The following PDGFD variants were observed in gnomAD, a reference collection of about 807,000 sequenced individuals.
The protein encoded by PDGFD is platelet-derived growth factor D.
A neutral mutation model predicts 44.7 loss-of-function variants in PDGFD; 30 were observed. The ratio of observed to expected loss-of-function variants is 0.67; its 90% CI spans 0.50 to 0.91. The LOEUF is 0.91. Ranked by LOEUF, PDGFD falls within the 40% of genes least tolerant of loss-of-function variation. The pLI, the probability that PDGFD is intolerant of heterozygous loss-of-function variation, is 0.00. For synonymous variants in PDGFD, 173 were observed against 168.4 expected (o/e 1.03, Z -0.21); for missense variants, 445 against 457.8 (o/e 0.97, Z 0.25).
Position 104,000,233 on chromosome 11 carries a change from C to A in PDGFD, c.147G>T (p.Leu49Phe). 6.2e-7 allele frequency: 1 copy of A among 1,613,966 alleles called. No homozygotes were observed. Among genetic ancestry groups the A allele is most frequent in the Non-Finnish European group, 8.5e-7 (1 of 1,179,950 alleles). Reference sequence around the variant, plus strand: ...CCTGGATGGTCTCATCTCTTCGGTACAAGTCTGTGAGGTGATTGCTCTCTG... The same window carrying A: ...CCTGGATGGTCTCATCTCTTCGGTAAAAGTCTGTGAGGTGATTGCTCTCTG... ...RRDESNHLTD[L>F]YRRDETIQVK... Residue 49 changes from leucine (L) to phenylalanine (F), a missense_variant, in exon 2 of 7, where the codon TTG becomes TTT. By Grantham distance (22) the Leu-to-Phe change is conservative. Coordinates refer to ENST00000393158, the MANE Select transcript of PDGFD (RefSeq NM_025208.5).
intron 1 of PDGFD, among the ~76,000 whole-genome samples, chr11:104,024,644 C>T (rs536213845): frequency 3.9e-5 from 6 of 152,104 alleles, no homozygotes; most frequent in East Asian, 1.9e-4. Context: ...TACCATACAG[C>T]GTTGTAGGTT....
At chr11:103,978,837 T>C (rs142114676) in intron 3 of PDGFD, among the ~76,000 whole-genome samples, 1 of 152,152 alleles carries the variant, frequency 6.6e-6, no homozygotes, top group African/African-American at 2.4e-5. Context: ...GTAAAACAGG[T>C]ACAGTGAGCT....
chr11:103,927,413 G>T (rs10437675), intron 5 of PDGFD, among the ~76,000 whole-genome samples: 6,090 of 152,162 alleles, frequency 0.04, 397 homozygotes, highest in African/African-American at 0.14. Flanking sequence ...TGCAAAAAAA[G>T]TTCAGAGGAA....
intron 3 of PDGFD, among the ~76,000 whole-genome samples, chr11:103,974,614 G>A (rs1181008561): frequency 6.6e-6 from 1 of 152,140 alleles, no homozygotes; most frequent in Non-Finnish European, 1.5e-5. Context: ...TTGTCCTAAT[G>A]CTCTCCCTCC....
rs1324042895 is a variant in PDGFD at position 104,044,746 on chromosome 11, CTG to C, written c.125-44493_125-44492del. The stretch of plus-strand genomic sequence containing the variant: ...GCCTGGGACTGTCCTGGTTTTAAAA[CTG>C]ATATTCTTGGCCGGGCGTGGTGGCT... On this transcript the variant is annotated intron_variant, in intron 1 of 6. Transcript: ENST00000393158. 5.3e-5 allele frequency among the ~76,000 whole-genome samples: 8 copies of C among 152,270 alleles called. No homozygotes were observed. In the East Asian group the frequency reaches 1.5e-3, roughly 29 times the overall value.
chr11:104,119,157 G>GGTATAATATATAATATATT (rs1861706654), intron 1 of PDGFD, among the ~76,000 whole-genome samples: 1 of 10,802 alleles, frequency 9.3e-5, no homozygotes, highest in African/African-American at 2.8e-4. Flanking sequence ...ATAATATATT[G>GGTATAATATATAATATATT]ATATAACATA....
chr11:104,000,600 T>C (rs1859605776), intron 1 of PDGFD, among the ~76,000 whole-genome samples: 1 of 152,142 alleles, frequency 6.6e-6, no homozygotes, highest in South Asian at 2.1e-4. Context: ...ACAACACATC[T>C]TTCTTCTAGT....
At chr11:104,044,957 G>A (rs369992350) in intron 1 of PDGFD, among the ~76,000 whole-genome samples, 8 of 152,186 alleles carry the variant, frequency 5.3e-5, no homozygotes, top group African/African-American at 1.9e-4. Flanking sequence ...AGAATGGCTC[G>A]AACCCGGGGG....
intron 1 of PDGFD, among the ~76,000 whole-genome samples, chr11:104,132,019 A>G (rs935678958): frequency 5.3e-5 from 8 of 152,026 alleles, no homozygotes; most frequent in African/African-American, 1.9e-4. Context: ...TATCCCCTTC[A>G]GGCTCAGGAA....
intron 1 of PDGFD, among the ~76,000 whole-genome samples, chr11:104,130,274 C>G (rs776323132): frequency 1.3e-5 from 2 of 152,088 alleles, no homozygotes; most frequent in Non-Finnish European, 1.5e-5. Flanking sequence ...AAGTCTAATG[C>G]AACCACAGTT....
intron 1 of PDGFD, among the ~76,000 whole-genome samples, chr11:104,070,063 T>C (rs1271962875): frequency 8.5e-5 from 13 of 152,288 alleles, no homozygotes; most frequent in Non-Finnish European, 8.8e-5. Flanking sequence ...CATGTCCCCA[T>C]CATTCTTTGA....
At chr11:104,087,563 A>T (rs974787855) in intron 1 of PDGFD, among the ~76,000 whole-genome samples, 1 of 152,160 alleles carries the variant, frequency 6.6e-6, no homozygotes, top group Non-Finnish European at 1.5e-5. Flanking sequence ...TGTCTAAAAA[A>T]CAAAATCTAT....
chr11:104,038,055 TCC>T (rs1860283933), intron 1 of PDGFD: 1 of 1,545,464 alleles, frequency 6.5e-7, no homozygotes, highest in Admixed American at 2.0e-5. Context: ...GAGCCTCAGG[TCC>T]CCGGCAATTA....
At chr11:104,069,782 C>G (rs375297543) in intron 1 of PDGFD, among the ~76,000 whole-genome samples, 10 of 152,228 alleles carry the variant, frequency 6.6e-5, no homozygotes, top group South Asian at 4.1e-4. Context: ...ATGGCGTGAA[C>G]CCGGGAGGCG....
chr11:104,076,245 T>C (rs1178680534), intron 1 of PDGFD, among the ~76,000 whole-genome samples: 2 of 152,208 alleles, frequency 1.3e-5, no homozygotes, highest in African/African-American at 4.8e-5. Flanking sequence ...TAAACCTCTT[T>C]CCTTTATAAA....
rs543436583 is a variant in PDGFD at position 104,131,808 on chromosome 11, A to T, written c.124+31996T>A. Among the ~76,000 whole-genome samples, 1,091 of 143,570 alleles carry T rather than the reference A, an allele frequency of 7.6e-3. 3 individuals carry two copies. The highest frequency in any genetic ancestry group is 0.012 in the Non-Finnish European group (761 of 65,672). The allele number at this position is 143,570 out of a possible 152,430, so 94.2% of individuals were successfully genotyped here. A position where few individuals can be genotyped will look rare whatever the true frequency, so the allele number is the denominator to read the frequency against. ...CTAAATGGCAATGAACTGTAAAAAAAAAAAAAAAAAAAAAAAAAAGGGGAT... is the reference window on the plus strand; with the variant it reads ...CTAAATGGCAATGAACTGTAAAAAATAAAAAAAAAAAAAAAAAAAGGGGAT... On this transcript the variant is annotated intron_variant, in intron 1 of 6. Transcript: ENST00000393158.
intron 6 of PDGFD, among the ~76,000 whole-genome samples, chr11:103,911,103 AC>A (rs1858022628): frequency 1.3e-5 from 2 of 151,730 alleles, no homozygotes; most frequent in Non-Finnish European, 2.9e-5. Flanking sequence ...TATAGATAAA[AC>A]CCCCATCTCC....
chr11:104,088,384 C>T (rs985349885), intron 1 of PDGFD, among the ~76,000 whole-genome samples: 4 of 152,184 alleles, frequency 2.6e-5, no homozygotes, highest in African/African-American at 7.2e-5. Context: ...GAGCTCAATA[C>T]ATCACTTTTT....
At chr11:104,100,627 C>T (rs1389237822) in intron 1 of PDGFD, among the ~76,000 whole-genome samples, 1 of 152,126 alleles carries the variant, frequency 6.6e-6, no homozygotes, top group African/African-American at 2.4e-5. Flanking sequence ...GATACCAAAG[C>T]CTGGCAGAGA....
Sources: gnomAD v4.1 joint callset for allele counts (sites outside exome capture counted in the v4.1 genomes callset) on GRCh38, gnomAD v4.1.1 for gene constraint, MANE v1.5 for transcripts, NCBI Gene and HGNC (gene_info 2026-07-23, HGNC 2026-07-21) for gene names.